Variants in CCM2 observed in about 807,000 individuals in gnomAD.
The protein encoded by CCM2 is cerebral cavernous malformations 2 protein.
A neutral mutation model predicts 44.9 loss-of-function variants in CCM2; 25 were observed. The observed-to-expected ratio is 0.56, with a 90% CI of 0.41 to 0.78. The LOEUF is 0.78. Ranked by LOEUF, CCM2 falls within the 30% of genes least tolerant of loss-of-function variation. The pLI is 0.00. For synonymous variants in CCM2, 219 were observed against 241.1 expected (o/e 0.91, Z 0.85); for missense variants, 481 against 580.6 (o/e 0.83, Z 1.76).
intron 1 of CCM2, among the ~76,000 whole-genome samples, chr7:45,011,047 T>C (rs1392096805): frequency 1.3e-5 from 2 of 152,218 alleles, no homozygotes; most frequent in Non-Finnish European, 2.9e-5. Context: ...CTTTGTTTTT[T>C]TCTCTTTCCA....
At chr7:45,048,791 A>G (rs1797872763) in intron 2 of CCM2, among the ~76,000 whole-genome samples, 2 of 152,104 alleles carry the variant, frequency 1.3e-5, no homozygotes, top group South Asian at 4.2e-4. Flanking sequence ...TGTAGTTTCC[A>G]TCACAAGCTG....
At chr7:45,027,475 G>A in intron 1 of CCM2, 1 of 668,762 alleles carries the variant, frequency 1.5e-6, no homozygotes, top group Non-Finnish European at 2.5e-6. Context: ...TGGGAAGTAG[G>A]GAAAATGAGC....
intron 2 of CCM2, among the ~76,000 whole-genome samples, chr7:45,059,069 T>TG (rs1798402073): frequency 6.6e-6 from 1 of 151,638 alleles, no homozygotes; most frequent in South Asian, 2.1e-4. Context: ...TTAGTAGAGA[T>TG]GGGGTTTCAC....
chr7:45,071,777 C>G (rs1431985256), intron 6 of CCM2: 1 of 456,742 alleles, frequency 2.2e-6, no homozygotes, highest in East Asian at 6.9e-5. Flanking sequence ...TCCACAGTCA[C>G]ATCTTCCTTT....
chr7:45,067,503 CA>C (rs1235009173), intron 4 of CCM2: 1 of 152,150 alleles, frequency 6.6e-6, no homozygotes, highest in Admixed American at 6.6e-5. Context: ...CCTCCGTACC[CA>C]AAACATTATT....
chr7:45,034,165 G>A lies in CCM2; in HGVS notation c.31-4088G>A, dbSNP rs964870754. ...GGGCCTGGGCAGCACAAGGCCACAT[G>A]CTTTCTGAGCCCAGGCCAGTCCCAG... On this transcript the variant is annotated intron_variant, in intron 1 of 9. Transcript: ENST00000258781. Among the ~76,000 whole-genome samples, 5 of 151,980 alleles carry A rather than the reference G, an allele frequency of 3.3e-5. No individual in the cohort carries two copies. In the East Asian group the frequency reaches 9.7e-4, roughly 29 times the overall value.
intron 1 of CCM2, among the ~76,000 whole-genome samples, chr7:45,004,954 C>T (rs987886584): frequency 4.0e-5 from 6 of 150,862 alleles, no homozygotes; most frequent in African/African-American, 1.5e-4. Context: ...TGAGAATGTG[C>T]CATTGCGCTC....
chr7:45,008,843 A>G (rs188949173), intron 1 of CCM2, among the ~76,000 whole-genome samples: 20 of 152,316 alleles, frequency 1.3e-4, no homozygotes, highest in African/African-American at 3.6e-4. Context: ...GGTATAGACA[A>G]TAACCATAGC....
At chr7:45,019,508 G>A (rs1344292982) in intron 1 of CCM2, among the ~76,000 whole-genome samples, 3 of 152,080 alleles carry the variant, frequency 2.0e-5, no homozygotes, top group Non-Finnish European at 4.4e-5. Flanking sequence ...AGTGTTTAAG[G>A]TACTGATTAA....
intron 1 of CCM2, among the ~76,000 whole-genome samples, chr7:45,019,165 G>A (rs1037263882): frequency 6.9e-6 from 1 of 145,964 alleles, no homozygotes; most frequent in Non-Finnish European, 1.5e-5. Flanking sequence ...TCCGCCTCCC[G>A]GGTTCAAGTG....
At chr7:45,065,137 C>T (rs904094256) in intron 4 of CCM2, among the ~76,000 whole-genome samples, 4 of 150,422 alleles carry the variant, frequency 2.7e-5, no homozygotes, top group Non-Finnish European at 5.9e-5. Context: ...CCGTCTGCTG[C>T]TTTCACAATG....
chr7:45,025,376 A>G (rs1796643501), intron 1 of CCM2, among the ~76,000 whole-genome samples: 1 of 152,210 alleles, frequency 6.6e-6, no homozygotes, highest in Non-Finnish European at 1.5e-5. Context: ...AGCTGTGGCC[A>G]TCAGCAGCAG....
At chr7:45,070,191 A>G (rs369341557) in intron 6 of CCM2, 17 of 578,856 alleles carry the variant, frequency 2.9e-5, no homozygotes, top group East Asian at 2.4e-4. Flanking sequence ...GCTTCCTGGA[A>G]TAAATTTGGG....
chr7:45,024,062 T>TG (rs1170661219), intron 1 of CCM2, among the ~76,000 whole-genome samples: 3 of 152,078 alleles, frequency 2.0e-5, no homozygotes, highest in Non-Finnish European at 4.4e-5. Context: ...CCTCCTGCCT[T>TG]GGCCTCCCAA....
intron 1 of CCM2, among the ~76,000 whole-genome samples, chr7:45,003,740 A>C (rs1795737715): frequency 6.6e-6 from 1 of 152,146 alleles, no homozygotes; most frequent in Non-Finnish European, 1.5e-5. Context: ...AAAAAAAAAA[A>C]AAACCATCTT....
In CCM2 at chr7:45,072,732, C is replaced by A; in HGVS notation, c.752C>A (p.Ser251Tyr). 2.5e-6 allele frequency: 4 copies of A among 1,612,608 alleles called. No individual in the cohort carries two copies. Among genetic ancestry groups the A allele is most frequent in the African/African-American group, 2.7e-5 (2 of 75,024 alleles). Residue 251 changes from serine to tyrosine, a missense_variant, in exon 7 of 10, where the codon TCT becomes TAT. Transcript: ENST00000258781. ...TTCTGCATCTTCCTTACAGATGACT[C>A]TTCTACAAAAGTGGACATTAAGGAG... ...THHLSLHSDD[S>Y]STKVDIKETY...
At chr7:45,057,946 CT>C (rs1440233164) in intron 2 of CCM2, among the ~76,000 whole-genome samples, 5 of 152,214 alleles carry the variant, frequency 3.3e-5, no homozygotes, top group African/African-American at 1.2e-4. Context: ...CCAAGATGAA[CT>C]TGTATTTGCC....
intron 1 of CCM2, among the ~76,000 whole-genome samples, chr7:45,014,164 G>T (rs1796169041): frequency 6.6e-6 from 1 of 151,868 alleles, no homozygotes; most frequent in African/African-American, 2.4e-5. Context: ...TTTTGAGATG[G>T]TGTCTTACTC....
At chr7:45,069,355 C>T (rs1043322900) in intron 5 of CCM2, among the ~76,000 whole-genome samples, 1 of 152,216 alleles carries the variant, frequency 6.6e-6, no homozygotes, top group Non-Finnish European at 1.5e-5. Flanking sequence ...CTACATGTCC[C>T]CTGGGAGGGG....
Sources: allele counts gnomAD v4.1 joint callset (sites outside exome capture counted in the v4.1 genomes callset), GRCh38; gene constraint gnomAD v4.1.1; transcripts MANE v1.5; gene names NCBI Gene and HGNC (gene_info 2026-07-23, HGNC 2026-07-21).